The following SLIT1 variants were observed in gnomAD, a reference collection of about 807,000 sequenced individuals.
SLIT1 encodes slit guidance ligand 1, also known as slit homolog 1 protein.
In SLIT1, 66 loss-of-function variants were observed where a neutral mutation model predicts 186.1. The ratio of observed to expected loss-of-function variants is 0.35; its 90% CI spans 0.29 to 0.44. SLIT1 has a LOEUF of 0.44. Ranked by LOEUF, SLIT1 falls within the 20% of genes least tolerant of loss-of-function variation. SLIT1 has a pLI of 1.00. For synonymous variants in SLIT1, 761 were observed against 833.8 expected (o/e 0.91, Z 1.50); for missense variants, 1,638 against 2,037.4 (o/e 0.80, Z 3.77).
chr10:97,136,563 C>T (rs558226658), intron 4 of SLIT1, among the ~76,000 whole-genome samples: 1 of 152,176 alleles, frequency 6.6e-6, no homozygotes, highest in Non-Finnish European at 1.5e-5. Context: ...CTCCTGCCCC[C>T]ACAACAAACA....
At chr10:97,145,489 G>A (rs533086125) in intron 4 of SLIT1, among the ~76,000 whole-genome samples, 13 of 152,194 alleles carry the variant, frequency 8.5e-5, no homozygotes, top group South Asian at 4.2e-4. Flanking sequence ...AACAGGCTCT[G>A]GTCAGGCACA....
intron 25 of SLIT1, among the ~76,000 whole-genome samples, chr10:97,026,260 T>G (rs982314674): frequency 1.2e-4 from 19 of 152,028 alleles, no homozygotes; most frequent in Admixed American, 1.0e-3. Context: ...GGTCAGGAGT[T>G]TGAGACCAGC....
At position 97,039,973 on chromosome 10, in the gene SLIT1, C is replaced by T. The variant is rs769447651; in HGVS notation, c.2297+15G>A. Reference sequence around the variant, plus strand: ...GTGGACCCACGTGAAGGGGGCAAGGCCTTGAGCTACTCACAGTTCTGTGAC... The same window carrying T: ...GTGGACCCACGTGAAGGGGGCAAGGTCTTGAGCTACTCACAGTTCTGTGAC... On this transcript the variant is annotated intron_variant, in intron 21 of 36. Transcript: ENST00000266058. 6 of 1,613,310 alleles carry T rather than the reference C, an allele frequency of 3.7e-6. No individual in the cohort carries two copies. Among genetic ancestry groups the T allele is most frequent in the Non-Finnish European group, 4.2e-6 (5 of 1,179,646 alleles).
chr10:97,109,847 G>A (rs567487555), intron 4 of SLIT1, among the ~76,000 whole-genome samples: 9 of 152,256 alleles, frequency 5.9e-5, no homozygotes, highest in African/African-American at 2.2e-4. Flanking sequence ...CTGAGCCAGC[G>A]GGCAGACACA....
rs1848913267 is a variant in SLIT1, at chr10:97,063,494, T to G, written c.754A>C (p.Asn252His). Residue 252 changes from asparagine to histidine, a missense_variant, in exon 8 of 37, where the codon AAT (asparagine) becomes CAT (histidine). Asn to His is a moderately conservative substitution (Grantham distance 68, BLOSUM62 1). Transcript: ENST00000266058. ...CSGPASLRGL[N>H]VAEVQKSEFS... ...TCACTCTTCTGGACCTCTGCCACAT[T>G]GAGGCCACGCAGGCTGGCTGGGCCC... 1.9e-6 allele frequency: 3 copies of G among 1,612,914 alleles called. No individual in the cohort carries two copies. Among genetic ancestry groups the G allele is most frequent in the Non-Finnish European group, 2.5e-6 (3 of 1,179,962 alleles).
intron 5 of SLIT1, 55 bp from the exon 6 acceptor site, chr10:97,064,931 G>T: frequency 1.4e-6 from 2 of 1,419,958 alleles, no homozygotes; most frequent in Non-Finnish European, 2.0e-6. Flanking sequence ...GAGTAAGGGT[G>T]TCCAAACATT....
At chr10:97,014,847 C>G (rs560024383) in intron 28 of SLIT1, among the ~76,000 whole-genome samples, 1 of 148,752 alleles carries the variant, frequency 6.7e-6, no homozygotes, top group African/African-American at 2.5e-5. Flanking sequence ...GCCTGGGTGA[C>G]ACAGCAAGAC....
chr10:97,010,592 CA>C lies in SLIT1; in HGVS notation c.3341+400del. Among the ~76,000 whole-genome samples, 1 of 152,312 alleles carries C rather than the reference CA, an allele frequency of 6.6e-6. No homozygotes were observed. The highest frequency in any genetic ancestry group is 1.9e-4 in the East Asian group (1 of 5,186). On this transcript the variant is annotated intron_variant, in intron 31 of 36. Coordinates refer to ENST00000266058, the MANE Select transcript of SLIT1 (RefSeq NM_003061.3). This position sits in a 1 kb window ranked among gnomAD's most constrained non-coding sequence, Gnocchi z 4.8. ...ATATCTCAATAAAGCTATTTTTTAACAAATGAGTGAGCAGAGCATGGGACGT... is the reference window on the plus strand; with the variant it reads ...ATATCTCAATAAAGCTATTTTTTAACAATGAGTGAGCAGAGCATGGGACGT...
chr10:97,118,715 A>G (rs1253116816), intron 4 of SLIT1, among the ~76,000 whole-genome samples: 1 of 152,168 alleles, frequency 6.6e-6, no homozygotes, highest in African/African-American at 2.4e-5. Context: ...ACTCTGTCAC[A>G]CACTAGCCAC....
intron 4 of SLIT1, among the ~76,000 whole-genome samples, chr10:97,144,666 G>T (rs1849798833): frequency 6.6e-6 from 1 of 152,120 alleles, no homozygotes; most frequent in African/African-American, 2.4e-5. Flanking sequence ...CAGGCTCCCA[G>T]GCCCAGCCTG....
Position 97,004,346 on chromosome 10 carries a change from CT to C in SLIT1, c.3711-125del. The C allele has an allele frequency of 1.0e-6, 1 of 953,714 alleles. No homozygotes were observed. The highest frequency in any genetic ancestry group is 1.6e-6 in the Non-Finnish European group (1 of 627,790). 59.1% of individuals were successfully genotyped at this position (953,714 alleles called of 1,614,324 possible). ...GAGACCAAATATCTAAGGAAAAGGA[CT>C]GTGGGGGCTCAAGGGTCTATCGCAT... On this transcript the variant is annotated intron_variant, in intron 33 of 36. Coordinates refer to ENST00000266058, the MANE Select transcript of SLIT1 (RefSeq NM_003061.3). The surrounding 1 kb of genome is among the most constrained non-coding windows in gnomAD (Gnocchi z 5.1).
intron 17 of SLIT1, 67 bp from the exon 18 acceptor site, chr10:97,046,864 T>C: frequency 6.3e-7 from 1 of 1,589,460 alleles, no homozygotes; most frequent in Non-Finnish European, 8.6e-7. Context: ...CCTCCCTTCC[T>C]GCAGGCAACA....
intron 4 of SLIT1, among the ~76,000 whole-genome samples, chr10:97,093,892 G>A (rs1849259279): frequency 6.6e-6 from 1 of 152,210 alleles, no homozygotes; most frequent in Non-Finnish European, 1.5e-5. Flanking sequence ...GTCCTGAGAT[G>A]AAGAGAATAG....
intron 4 of SLIT1, chr10:97,103,787 A>T (rs1366536772): frequency 1.3e-5 from 2 of 152,214 alleles, no homozygotes; most frequent in Admixed American, 1.3e-4. Context: ...AACCATGACA[A>T]GGCGATGTGG....
chr10:97,027,756 T>C (rs545393664), intron 25 of SLIT1, among the ~76,000 whole-genome samples: 80 of 152,346 alleles, frequency 5.3e-4, no homozygotes, highest in Admixed American at 9.8e-4. Flanking sequence ...TTAAAACATA[T>C]GTTGTTTGTT....
intron 4 of SLIT1, among the ~76,000 whole-genome samples, chr10:97,088,051 T>G (rs991746956): frequency 6.6e-5 from 10 of 152,164 alleles, no homozygotes; most frequent in African/African-American, 2.4e-4. Context: ...AGAGTGGTTC[T>G]CAAACTCAGC....
At chr10:97,118,002 T>A (rs2636813) in intron 4 of SLIT1, among the ~76,000 whole-genome samples, 73,751 of 152,090 alleles carry the variant, frequency 0.48, 19,904 homozygotes, top group Non-Finnish European at 0.6. Context: ...CTACATTTTT[T>A]AATAAACAGC....
chr10:97,179,224 AT>A (rs1486254275), intron 1 of SLIT1, among the ~76,000 whole-genome samples: 2 of 152,160 alleles, frequency 1.3e-5, no homozygotes, highest in Non-Finnish European at 2.9e-5. Flanking sequence ...TATTCTAATT[AT>A]TAATCTTTAT....
chr10:97,072,881 C>T (rs1589382330), intron 4 of SLIT1, among the ~76,000 whole-genome samples: 1 of 152,294 alleles, frequency 6.6e-6, no homozygotes. Context: ...ATAACTACCA[C>T]GTGGGACTTT....
Sources: allele counts gnomAD v4.1 joint callset (sites outside exome capture counted in the v4.1 genomes callset), GRCh38; gene constraint gnomAD v4.1.1; non-coding constraint Gnocchi (gnomAD v3.1); transcripts MANE v1.5; gene names NCBI Gene and HGNC (gene_info 2026-07-23, HGNC 2026-07-21).